Variants in CSMD1 observed in about 807,000 individuals in gnomAD.
CSMD1 encodes the protein CUB and sushi domain-containing protein 1.
Under a neutral mutation model 417.5 loss-of-function variants are expected in CSMD1, and 213 were observed. The ratio of observed to expected loss-of-function variants is 0.51; its 90% CI spans 0.46 to 0.57. CSMD1 has a LOEUF of 0.57. Ranked by LOEUF, CSMD1 falls within the 20% of genes least tolerant of loss-of-function variation. The pLI is 0.00. For synonymous variants in CSMD1, 2,862 were observed against 1,736.8 expected, an observed-to-expected ratio of 1.65 and a Z score of -16.11; for missense variants, 6,923 against 4,529.7, an observed-to-expected ratio of 1.53 and a Z score of -15.17.
intron 36 of CSMD1, among the ~76,000 whole-genome samples, chr8:3,184,378 G>T (rs1477468350): frequency 6.6e-6 from 1 of 152,112 alleles, no homozygotes; most frequent in Non-Finnish European, 1.5e-5. Flanking sequence ...TCCCTGATTA[G>T]GACACAGCCT....
chr8:4,558,012 A>T (rs780381466), intron 2 of CSMD1, among the ~76,000 whole-genome samples: 1 of 152,282 alleles, frequency 6.6e-6, no homozygotes. Flanking sequence ...GACTGACCCA[A>T]AATACAGACC....
At chr8:4,086,637 G>A (rs1394846674) in intron 3 of CSMD1, among the ~76,000 whole-genome samples, 6 of 152,124 alleles carry the variant, frequency 3.9e-5, no homozygotes, top group Non-Finnish European at 8.8e-5. Flanking sequence ...TTTTCTTAAT[G>A]CACCAAGCGA....
chr8:4,952,910 G>T (rs867762992), intron 1 of CSMD1, among the ~76,000 whole-genome samples: 1 of 152,096 alleles, frequency 6.6e-6, no homozygotes, highest in Non-Finnish European at 1.5e-5. Context: ...AATCTATACT[G>T]AACTGATTCA....
chr8:4,361,828 G>A (rs952856849), intron 3 of CSMD1, among the ~76,000 whole-genome samples: 4 of 152,030 alleles, frequency 2.6e-5, no homozygotes, highest in African/African-American at 9.7e-5. Context: ...GGTGCGGGGC[G>A]CCTGTACTCC....
chr8:4,609,693 A>G (rs996478826), intron 2 of CSMD1, among the ~76,000 whole-genome samples: 1 of 152,188 alleles, frequency 6.6e-6, no homozygotes, highest in East Asian at 1.9e-4. Flanking sequence ...TACAGGAAAC[A>G]TTGCCAATTT....
At chr8:3,986,867 G>A (rs1256913165) in intron 5 of CSMD1, among the ~76,000 whole-genome samples, 1 of 152,024 alleles carries the variant, frequency 6.6e-6, no homozygotes, top group Admixed American at 6.6e-5. Flanking sequence ...CAATTCTCCT[G>A]CTTCAGCCTC....
chr8:4,168,137 A>C (rs1483556015), intron 3 of CSMD1, among the ~76,000 whole-genome samples: 1 of 8,900 alleles, frequency 1.1e-4, no homozygotes, highest in Non-Finnish European at 2.7e-3. Flanking sequence ...TCAAAAATAA[A>C]AAAAAATATA....
intron 8 of CSMD1, among the ~76,000 whole-genome samples, chr8:3,610,777 T>G (rs1270882571): frequency 1.3e-5 from 2 of 152,054 alleles, no homozygotes; most frequent in Admixed American, 6.6e-5. Context: ...CTTTTTAAGG[T>G]GTGCCCCACA....
At chr8:4,376,353 C>G (rs1159842466) in intron 3 of CSMD1, among the ~76,000 whole-genome samples, 1 of 152,148 alleles carries the variant, frequency 6.6e-6, no homozygotes, top group African/African-American at 2.4e-5. Context: ...ATAATCTCAA[C>G]TCTTAGAAAT....
chr8:3,820,186 G>A (rs1354771553), intron 5 of CSMD1, among the ~76,000 whole-genome samples: 1 of 152,106 alleles, frequency 6.6e-6, no homozygotes, highest in African/African-American at 2.4e-5. Flanking sequence ...CAAAGTGCTG[G>A]GTGCTATATA....
chr8:3,359,538 G>C (rs182588903), intron 20 of CSMD1, among the ~76,000 whole-genome samples, 198 bp from the exon 21 acceptor site: 20 of 144,890 alleles, frequency 1.4e-4, no homozygotes, highest in African/African-American at 4.4e-4. Context: ...ATGGGATTTA[G>C]TATTTTTTTT....
chr8:4,204,681 G>C (rs938771561), intron 3 of CSMD1, among the ~76,000 whole-genome samples: 2 of 152,102 alleles, frequency 1.3e-5, no homozygotes, highest in African/African-American at 4.8e-5. Context: ...TTGAGACACA[G>C]TTTCACTCTG....
At chr8:4,114,199 G>A (rs1161467374) in intron 3 of CSMD1, among the ~76,000 whole-genome samples, 1 of 152,204 alleles carries the variant, frequency 6.6e-6, no homozygotes, top group Non-Finnish European at 1.5e-5. Context: ...AGCTCATGCA[G>A]CTGGTAACTT....
intron 7 of CSMD1, among the ~76,000 whole-genome samples, chr8:3,624,831 T>C (rs1485441426): frequency 2.0e-5 from 3 of 152,176 alleles, no homozygotes; most frequent in African/African-American, 7.2e-5. Flanking sequence ...TATTATCTCA[T>C]TGAATTGAAA....
chr8:3,372,889 G>C (rs547223768), intron 18 of CSMD1, among the ~76,000 whole-genome samples: 6 of 152,320 alleles, frequency 3.9e-5, no homozygotes, highest in African/African-American at 1.2e-4. Flanking sequence ...ACTAATGCCA[G>C]CGCACCGCGT....
At chr8:4,322,194 T>G (rs970867784) in intron 3 of CSMD1, among the ~76,000 whole-genome samples, 1 of 152,368 alleles carries the variant, frequency 6.6e-6, no homozygotes, top group African/African-American at 2.4e-5. Flanking sequence ...ACAATTTCCT[T>G]TCACTCTATG....
intron 50 of CSMD1, among the ~76,000 whole-genome samples, chr8:3,043,557 G>C (rs1344804857): frequency 1.3e-5 from 2 of 152,086 alleles, no homozygotes; most frequent in Admixed American, 1.3e-4. Flanking sequence ...CCAGCATAGA[G>C]TAGGTCCACA....
chr8:3,888,066 T>G (rs1171108965), intron 5 of CSMD1, among the ~76,000 whole-genome samples: 1 of 152,166 alleles, frequency 6.6e-6, no homozygotes, highest in Non-Finnish European at 1.5e-5. Context: ...TACTGTACAG[T>G]TATCACTTTT....
intron 10 of CSMD1, among the ~76,000 whole-genome samples, chr8:3,572,099 C>T (rs1799968448): frequency 6.6e-6 from 1 of 152,148 alleles, no homozygotes; most frequent in Admixed American, 6.5e-5. Context: ...TGGCTCCATC[C>T]TGCTAGGGAT....
Sources: allele counts gnomAD v4.1 joint callset (sites outside exome capture counted in the v4.1 genomes callset), GRCh38; gene constraint gnomAD v4.1.1; transcripts MANE v1.5; gene names NCBI Gene and HGNC (gene_info 2026-07-23, HGNC 2026-07-21).